MYLK4: variants seen among roughly 807,000 people sequenced by gnomAD.
MYLK4 encodes caMLCK like.
MYLK4 carries 46 observed loss-of-function variants against 48.1 expected under a neutral mutation model. The ratio of observed to expected loss-of-function variants is 0.96; its 90% CI spans 0.75 to 1.22. The LOEUF (loss-of-function observed/expected upper bound fraction) is 1.22. MYLK4 is among the 50% of genes most tolerant of loss of function. MYLK4 has a pLI of 0.00. For synonymous variants in MYLK4, 170 were observed against 180.8 expected (o/e 0.94, Z 0.48); for missense variants, 451 against 486.1 (o/e 0.93, Z 0.68).
At chr6:2,683,430 T>G (rs1761404525) in intron 6 of MYLK4, among the ~76,000 whole-genome samples, 1 of 145,882 alleles carries the variant, frequency 6.9e-6, no homozygotes, top group Non-Finnish European at 1.5e-5. Context: ...TGTGTGTGTG[T>G]GTGTTTTGAG....
In MYLK4 at chr6:2,749,173, T is replaced by A. The variant is rs760479278; in HGVS notation, c.122A>T (p.Asn41Ile). Residue 41 changes from asparagine (N) to isoleucine (I), a missense_variant, in exon 2 of 13, where the codon AAT (asparagine) becomes ATT (isoleucine). Coordinates refer to ENST00000274643, the MANE Select transcript of MYLK4 (RefSeq NM_001012418.5). ...VEKVKCFLEKNSGDQDSRSGH... is the reference protein window; with the variant it reads ...VEKVKCFLEKISGDQDSRSGH... ...AGATCTTGAATCCTGGTCCCCAGAA[T>A]TTTTTTCCAGAAAACACTTCACTTT... is the stretch of plus-strand genomic sequence containing the variant. The A allele has an allele frequency of 1.2e-6, 2 of 1,613,250 alleles. No homozygotes were observed. Among genetic ancestry groups the A allele is most frequent in the South Asian group, 1.1e-5 (1 of 91,044 alleles).
chr6:2,668,606 A>G (rs980092862), intron 12 of MYLK4, among the ~76,000 whole-genome samples: 6 of 152,204 alleles, frequency 3.9e-5, no homozygotes, highest in Non-Finnish European at 7.3e-5. Context: ...TTTAAAATCA[A>G]TATTATCTCA....
At chr6:2,671,228 A>C in intron 12 of MYLK4, 48 bp downstream of exon 12, 1 of 1,257,748 alleles carries the variant, frequency 8.0e-7, no homozygotes, top group Non-Finnish European at 1.2e-6. Context: ...TCTTATTCCT[A>C]TCTCTTAAGG....
chr6:2,708,602 G>A (rs563616717), intron 2 of MYLK4, among the ~76,000 whole-genome samples: 1 of 152,294 alleles, frequency 6.6e-6, no homozygotes, highest in East Asian at 1.9e-4. Context: ...AGGGATTCTG[G>A]CAGCTCTCAA....
the MYLK4 span, among the ~76,000 whole-genome samples, chr6:2,760,844 C>A: frequency 6.6e-6 from 1 of 152,008 alleles, no homozygotes; most frequent in Non-Finnish European, 1.5e-5. Context: ...ATAAACAATA[C>A]GAAATGTGGC....
At chr6:2,765,163 G>A in the MYLK4 span, among the ~76,000 whole-genome samples, 1 of 135,266 alleles carries the variant, frequency 7.4e-6, no homozygotes, top group East Asian at 2.1e-4. Context: ...TCGCGCACGC[G>A]CACCACGCTC....
the MYLK4 span, chr6:2,765,573 C>T: frequency 2.8e-6 from 4 of 1,418,156 alleles, no homozygotes; most frequent in Non-Finnish European, 3.7e-6. Flanking sequence ...CCTCCGCGTG[C>T]GCACGGGTTG....
chr6:2,733,222 A>G (rs535176926), intron 2 of MYLK4, among the ~76,000 whole-genome samples: 1 of 152,386 alleles, frequency 6.6e-6, no homozygotes, highest in South Asian at 2.1e-4. Context: ...CTTCTGTCAG[A>G]GAAAGGCTTC....
In MYLK4 at chr6:2,679,354, G is replaced by A; in HGVS notation, c.813C>T (p.Ala271=). ...CAAAATCATAGTTCACAACTTCAGG[G>A]GCGAGAAATTCTGGGGTTCCAAAGT... is the stretch of plus-strand genomic sequence containing the variant. The part of the protein sequence containing the change: ...KVNFGTPEFL[A]PEVVNYDFVS... Residue 271 remains alanine (A), a synonymous_variant, in exon 9 of 13, where the codon GCC becomes GCT. Transcript: ENST00000274643. 2 of 1,614,142 alleles carry A rather than the reference G, an allele frequency of 1.2e-6. No homozygotes were observed. The highest frequency in any genetic ancestry group is 1.3e-5 in the African/African-American group (1 of 75,030).
chr6:2,768,945 A>G, the MYLK4 span: 35 of 1,488,158 alleles, frequency 2.4e-5, no homozygotes, highest in Non-Finnish European at 3.2e-5. Flanking sequence ...AGTGTGTGAG[A>G]TCACTATACA....
At chr6:2,709,521 A>G (rs1413413384) in intron 2 of MYLK4, among the ~76,000 whole-genome samples, 1 of 152,240 alleles carries the variant, frequency 6.6e-6, no homozygotes, top group African/African-American at 2.4e-5. Flanking sequence ...AGCAAGCCCC[A>G]GGACTGAGGT....
chr6:2,725,669 G>T (rs2113304593), intron 2 of MYLK4, among the ~76,000 whole-genome samples: 3 of 120,168 alleles, frequency 2.5e-5, no homozygotes, highest in South Asian at 4.9e-4. Context: ...AAGAAAGAAA[G>T]AAAAATTTTA....
At chr6:2,690,518 A>C (rs565054716) in intron 3 of MYLK4, among the ~76,000 whole-genome samples, 5 of 151,758 alleles carry the variant, frequency 3.3e-5, no homozygotes, top group African/African-American at 1.2e-4. Flanking sequence ...ATTCTTTAAG[A>C]AGGTTTTCTT....
intron 2 of MYLK4, among the ~76,000 whole-genome samples, chr6:2,698,980 G>T (rs1021295847): frequency 6.6e-6 from 1 of 152,292 alleles, no homozygotes; most frequent in East Asian, 1.9e-4. Context: ...TCAGTAAGTG[G>T]ATCCTCCCCA....
intron 12 of MYLK4, among the ~76,000 whole-genome samples, chr6:2,668,659 C>T (rs944868106): frequency 2.0e-5 from 3 of 152,240 alleles, no homozygotes; most frequent in African/African-American, 7.2e-5. Flanking sequence ...AAACCCATCT[C>T]ATCCTGGCAG....
intron 2 of MYLK4, among the ~76,000 whole-genome samples, chr6:2,713,040 G>A (rs1399759027): frequency 6.6e-6 from 1 of 152,190 alleles, no homozygotes; most frequent in Non-Finnish European, 1.5e-5. Context: ...GTGAGGCCAA[G>A]ATACAGTGAC....
rs551471207 is a variant in MYLK4, at chr6:2,685,085, A to G, written c.545+211T>C. Among the ~76,000 whole-genome samples, 1 of 152,362 alleles carries G rather than the reference A, an allele frequency of 6.6e-6. No individual in the cohort carries two copies. Among genetic ancestry groups the G allele is most frequent in the Admixed American group, 6.5e-5 (1 of 15,302 alleles). ...TACAAAGCTAGATCTACTTGGTCCCACTACTTCTTAGCAATAAAATCCCAT... is the reference window on the plus strand; with the variant it reads ...TACAAAGCTAGATCTACTTGGTCCCGCTACTTCTTAGCAATAAAATCCCAT... On this transcript the variant is annotated intron_variant, in intron 6 of 12. Coordinates refer to ENST00000274643, the MANE Select transcript of MYLK4 (RefSeq NM_001012418.5). The surrounding 1 kb of genome is among the most constrained non-coding windows in gnomAD (Gnocchi z 4.5).
At position 2,663,941 on chromosome 6, in the gene MYLK4, G is replaced by A. The variant is rs770576616; in HGVS notation, c.*3984C>T. On this transcript the variant is annotated 3_prime_UTR_variant, in exon 13 of 13. Coordinates refer to ENST00000274643, the MANE Select transcript of MYLK4 (RefSeq NM_001012418.5). ...ATGGGTAGTAGTGGTTGAGTTATAA[G>A]CCTTCATGGAAGGTGAAACTGCCCA... is the stretch of plus-strand genomic sequence containing the variant. 3.3e-5 allele frequency: 5 copies of A among 152,218 alleles called. No homozygotes were observed. Among genetic ancestry groups the A allele is most frequent in the Non-Finnish European group, 5.9e-5 (4 of 68,038 alleles). 9.4% of individuals were successfully genotyped at this position (152,218 alleles called of 1,614,324 possible). A position where few individuals can be genotyped will look rare whatever the true frequency, so the allele number is the denominator to read the frequency against.
intron 7 of MYLK4, among the ~76,000 whole-genome samples, chr6:2,680,751 G>A (rs1010303450): frequency 3.3e-5 from 5 of 152,192 alleles, no homozygotes; most frequent in African/African-American, 4.8e-5. Context: ...GCACTGTCAC[G>A]TGAACGTTCC....
Sources: allele counts gnomAD v4.1 joint callset (sites outside exome capture counted in the v4.1 genomes callset), GRCh38; gene constraint gnomAD v4.1.1; non-coding constraint Gnocchi (gnomAD v3.1); transcripts MANE v1.5; gene names NCBI Gene and HGNC (gene_info 2026-07-23, HGNC 2026-07-21).